The following ESRRG variants were observed in gnomAD, a reference collection of about 807,000 sequenced individuals.
ESRRG encodes estrogen-related receptor gamma.
In ESRRG, 13 loss-of-function variants were observed where a neutral mutation model predicts 44.0. The ratio of observed to expected loss-of-function variants is 0.30; its 90% CI spans 0.19 to 0.47. ESRRG has a LOEUF of 0.47. Ranked by LOEUF, ESRRG falls within the 20% of genes least tolerant of loss-of-function variation. ESRRG has a pLI of 1.00. For missense variants in ESRRG, 395 were observed against 580.6 expected, an observed-to-expected ratio of 0.68 and a Z score of 3.29; for synonymous variants, 215 against 214.6, an observed-to-expected ratio of 1.00 and a Z score of -0.02.
intron 3 of ESRRG, among the ~76,000 whole-genome samples, chr1:216,601,945 G>A (rs2059315914): frequency 6.6e-6 from 1 of 152,114 alleles, no homozygotes; most frequent in Non-Finnish European, 1.5e-5. Context: ...CTTTGGGAGC[G>A]TTATTAAAAT....
chr1:216,550,976 G>A lies in ESRRG; in HGVS notation c.862+13243C>T, dbSNP rs369103782. ...AATCAGAACATGGGAATAGAGAGCCGCAGAACGGTCAATGCTGAAATACTA... is the reference window on the plus strand; with the variant it reads ...AATCAGAACATGGGAATAGAGAGCCACAGAACGGTCAATGCTGAAATACTA... On this transcript the variant is annotated intron_variant, in intron 5 of 6. Transcript: ENST00000408911. Among the ~76,000 whole-genome samples, 41 of 152,196 alleles carry A rather than the reference G, an allele frequency of 2.7e-4. No individual in the cohort carries two copies. The Middle Eastern group carries it at 0.01, about 38-fold the overall frequency.
intron 5 of ESRRG, 34 bp downstream of exon 5, chr1:216,564,184 AC>A: frequency 1.4e-6 from 2 of 1,408,398 alleles, no homozygotes; most frequent in Non-Finnish European, 1.9e-6. Context: ...ATTAATTGCA[AC>A]CTTTTCTTTT....
At chr1:216,561,482 AT>A (rs1203008023) in intron 5 of ESRRG, among the ~76,000 whole-genome samples, 3 of 152,246 alleles carry the variant, frequency 2.0e-5, no homozygotes, top group Admixed American at 6.5e-5. Flanking sequence ...AGTTATCAGG[AT>A]TGGTTCATGT....
chr1:216,818,730 C>A (rs1053108792), intron 2 of ESRRG, among the ~76,000 whole-genome samples: 5 of 152,070 alleles, frequency 3.3e-5, no homozygotes, highest in African/African-American at 1.2e-4. Flanking sequence ...TTAAGCCCAG[C>A]AACTATTAGC....
intron 2 of ESRRG, among the ~76,000 whole-genome samples, chr1:216,928,739 T>A (rs778201929): frequency 1.3e-5 from 2 of 152,130 alleles, no homozygotes; most frequent in Non-Finnish European, 2.9e-5. Context: ...AAAAACAAAA[T>A]GTGGTCGCTA....
chr1:216,635,565 A>G (rs2065125229), intron 3 of ESRRG, among the ~76,000 whole-genome samples: 3 of 152,164 alleles, frequency 2.0e-5, no homozygotes, highest in Admixed American at 2.0e-4. Context: ...AAAAGTTAGC[A>G]ATGTCCGGAT....
At chr1:217,079,068 A>G (rs1021189431) in intron 1 of ESRRG, among the ~76,000 whole-genome samples, 5 of 152,224 alleles carry the variant, frequency 3.3e-5, no homozygotes, top group African/African-American at 1.2e-4. Context: ...CATCCTTAAC[A>G]TAGAAGAGAG....
chr1:216,555,055 C>T (rs2057241141), intron 5 of ESRRG, among the ~76,000 whole-genome samples: 1 of 152,156 alleles, frequency 6.6e-6, no homozygotes, highest in South Asian at 2.1e-4. Flanking sequence ...TCCACACCAG[C>T]ACCATTGCCT....
chr1:217,117,811 T>C (rs1387507971), intron 1 of ESRRG, among the ~76,000 whole-genome samples: 1 of 152,108 alleles, frequency 6.6e-6, no homozygotes, highest in Non-Finnish European at 1.5e-5. Context: ...CTCTGGAATA[T>C]TTTTCGATAC....
chr1:216,580,056 G>A (rs907758891), intron 3 of ESRRG, among the ~76,000 whole-genome samples: 3 of 152,106 alleles, frequency 2.0e-5, no homozygotes, highest in East Asian at 3.8e-4. Context: ...AAGCTTTGAA[G>A]GATCAAAACA....
chr1:216,692,446 CAT>C (rs2079245165), intron 1 of ESRRG, among the ~76,000 whole-genome samples: 2 of 151,864 alleles, frequency 1.3e-5, no homozygotes, highest in Admixed American at 6.6e-5. Context: ...TACAACTGTA[CAT>C]GTTTGTGTTC....
intron 5 of ESRRG, among the ~76,000 whole-genome samples, chr1:216,537,380 C>A (rs986543642): frequency 6.6e-6 from 1 of 151,998 alleles, no homozygotes; most frequent in Non-Finnish European, 1.5e-5. Context: ...TAATTATAAG[C>A]CACCCATTCT....
chr1:216,815,556 T>C (rs1430739921), intron 2 of ESRRG, among the ~76,000 whole-genome samples: 1 of 152,222 alleles, frequency 6.6e-6, no homozygotes, highest in East Asian at 1.9e-4. Context: ...CTGTGCCACC[T>C]GCCCTGGGAA....
At chr1:216,815,890 T>C (rs962462234) in intron 2 of ESRRG, among the ~76,000 whole-genome samples, 3 of 152,146 alleles carry the variant, frequency 2.0e-5, no homozygotes, top group Non-Finnish European at 1.5e-5. Context: ...TGGCCATATG[T>C]TATTTGGTGT....
At chr1:216,865,756 A>G (rs1016361604) in intron 2 of ESRRG, among the ~76,000 whole-genome samples, 5 of 152,206 alleles carry the variant, frequency 3.3e-5, no homozygotes, top group Non-Finnish European at 7.3e-5. Flanking sequence ...TCGTGATACT[A>G]GAACTGTCTT....
chr1:216,504,008 C>T lies in ESRRG; in HGVS notation c.*2931G>A, dbSNP rs2809287. 0.91 allele frequency: 138,140 copies of T among 152,508 alleles called. 62,690 individuals carry two copies. The highest frequency in any genetic ancestry group is 0.93 in the Non-Finnish European group (63,333 of 67,954). The allele number at this position is 152,508 out of a possible 1,614,324, so 9.4% of individuals were successfully genotyped here. A position where few individuals can be genotyped will look rare whatever the true frequency, so the allele number is the denominator to read the frequency against. On this transcript the variant is annotated 3_prime_UTR_variant, in exon 7 of 7. Transcript: ENST00000408911. ...AAGCCCGTGCAGTTCTTTTTAAATC[C>T]ACGTTTTAGTTTTATTTCCTATTTG...
intron 2 of ESRRG, among the ~76,000 whole-genome samples, chr1:216,821,670 AC>A (rs2095291516): frequency 6.9e-6 from 1 of 145,970 alleles, no homozygotes; most frequent in African/African-American, 2.5e-5. Flanking sequence ...GGGCGACAGA[AC>A]AAGAACCTGC....
intron 2 of ESRRG, chr1:216,936,759 C>T (rs1271567771): frequency 6.6e-6 from 1 of 151,764 alleles, no homozygotes. Context: ...CAGCTAATGG[C>T]CTTCATATCC....
chr1:217,051,851 C>T (rs2086106764), intron 1 of ESRRG, among the ~76,000 whole-genome samples: 1 of 152,184 alleles, frequency 6.6e-6, no homozygotes, highest in African/African-American at 2.4e-5. Context: ...CAGCCTCTAA[C>T]TCCTGGGCTC....
Sources: allele counts gnomAD v4.1 joint callset (sites outside exome capture counted in the v4.1 genomes callset), GRCh38; gene constraint gnomAD v4.1.1; transcripts MANE v1.5; gene names NCBI Gene and HGNC (gene_info 2026-07-23, HGNC 2026-07-21).